Variants in FOXP2 observed in about 807,000 individuals in gnomAD.
The protein encoded by FOXP2 is forkhead box protein P2.
In FOXP2, 12 loss-of-function variants were observed where a neutral mutation model predicts 115.8. That is an observed-to-expected ratio of 0.10 (90% CI 0.07 to 0.17). The LOEUF (loss-of-function observed/expected upper bound fraction) is 0.17, where lower values mean the gene tolerates loss of function less well. Among genes scored for constraint, FOXP2 ranks in the 10% least tolerant of loss-of-function variants. The pLI is 1.00. For synonymous variants in FOXP2, 328 were observed against 297.7 expected, an observed-to-expected ratio of 1.10 and a Z score of -1.05; for missense variants, 629 against 843.5, an observed-to-expected ratio of 0.75 and a Z score of 3.15.
At position 114,633,698 on chromosome 7, in the gene FOXP2, T is replaced by C. The variant is rs147933521; in HGVS notation, c.775+1993T>C. 1.5e-3 allele frequency among the ~76,000 whole-genome samples: 232 copies of C among 152,304 alleles called. 2 individuals are homozygous for C. Among genetic ancestry groups the C allele is most frequent in the African/African-American group, 5.2e-3 (217 of 41,570 alleles). On this transcript the variant is annotated intron_variant, in intron 6 of 16. Transcript: ENST00000350908. ...GAAAAATATCATTGTGGAGGCTCAT[T>C]GTGTGTTGAATACACCAGCTACAGT...
At chr7:114,318,710 C>CATATATATATATATATATATATATAT (rs144291161) in intron 2 of FOXP2, among the ~76,000 whole-genome samples, 12 of 147,370 alleles carry the variant, frequency 8.1e-5, no homozygotes, top group African/African-American at 3.0e-4. Context: ...TTAGATAATT[C>CATATATATATATATATATATATATAT]ATATATATAT....
At chr7:114,194,025 C>A (rs1793832066) in intron 1 of FOXP2, among the ~76,000 whole-genome samples, 1 of 70,156 alleles carries the variant, frequency 1.4e-5, no homozygotes, top group Non-Finnish European at 5.9e-5. Flanking sequence ...CTTGCTGTAA[C>A]CCTGTGCTTT....
intron 2 of FOXP2, among the ~76,000 whole-genome samples, chr7:114,316,345 C>A (rs538872009): frequency 6.6e-6 from 1 of 152,142 alleles, no homozygotes; most frequent in Non-Finnish European, 1.5e-5. Flanking sequence ...ATAATGTTCT[C>A]GACCAGTTCA....
chr7:114,586,038 ACTGT>A (rs1802114270), intron 3 of FOXP2, among the ~76,000 whole-genome samples: 1 of 151,976 alleles, frequency 6.6e-6, no homozygotes, highest in South Asian at 2.1e-4. Flanking sequence ...TGTAGACAAA[ACTGT>A]CTGCACAAAC....
chr7:114,417,878 G>GTAAGTGTAAGAA, intron 1 of FOXP2, among the ~76,000 whole-genome samples: 1 of 152,068 alleles, frequency 6.6e-6, no homozygotes, highest in South Asian at 2.1e-4. Context: ...ACTTGGAAAT[G>GTAAGTGTAAGAA]ATACTATGAA....
chr7:114,352,511 A>G (rs1189347550), intron 2 of FOXP2, among the ~76,000 whole-genome samples: 14 of 152,178 alleles, frequency 9.2e-5, no homozygotes, highest in Admixed American at 9.2e-4. Context: ...GCTCTTACAG[A>G]ACTCCTAGAA....
At chr7:114,663,625 GT>G in intron 15 of FOXP2, 106 bp downstream of exon 15, 1 of 884,794 alleles carries the variant, frequency 1.1e-6, no homozygotes, top group Non-Finnish European at 1.8e-6. Context: ...TTAATAGTTG[GT>G]TTATCATCCA....
intron 2 of FOXP2, among the ~76,000 whole-genome samples, chr7:114,380,755 G>T (rs964601703): frequency 2.0e-5 from 3 of 152,188 alleles, no homozygotes; most frequent in Non-Finnish European, 2.9e-5. Context: ...CACACAGTAA[G>T]ATCTCTTCCC....
At chr7:114,179,924 T>G (rs1176196687) in intron 1 of FOXP2, among the ~76,000 whole-genome samples, 1 of 151,972 alleles carries the variant, frequency 6.6e-6, no homozygotes, top group South Asian at 2.1e-4. Context: ...AACTCCTGTG[T>G]ATTTTCTTCT....
At chr7:114,616,024 A>G (rs1431096463) in intron 3 of FOXP2, among the ~76,000 whole-genome samples, 1 of 152,082 alleles carries the variant, frequency 6.6e-6, no homozygotes, top group Non-Finnish European at 1.5e-5. Context: ...TTTCTTCTCC[A>G]GTTTATTGAA....
intron 1 of FOXP2, among the ~76,000 whole-genome samples, chr7:114,278,025 T>TAAAAA (rs1198719493): frequency 2.6e-5 from 2 of 76,204 alleles, no homozygotes; most frequent in Non-Finnish European, 4.8e-5. Flanking sequence ...AGACCTTGTC[T>TAAAAA]AAAAAAAAAA....
intron 3 of FOXP2, chr7:114,613,776 A>G (rs1803769439): frequency 6.6e-6 from 1 of 151,486 alleles, no homozygotes; most frequent in African/African-American, 2.4e-5. Flanking sequence ...TTTTTTTTAA[A>G]ATGTTTTTAA....
chr7:114,213,172 CTTA>C (rs1225495792), intron 1 of FOXP2, among the ~76,000 whole-genome samples: 1 of 152,108 alleles, frequency 6.6e-6, no homozygotes, highest in Non-Finnish European at 1.5e-5. Flanking sequence ...TTCAGAACTG[CTTA>C]TTAACTCATC....
At chr7:114,525,218 T>G (rs1169440500) in intron 2 of FOXP2, among the ~76,000 whole-genome samples, 1 of 152,212 alleles carries the variant, frequency 6.6e-6, no homozygotes, top group African/African-American at 2.4e-5. Context: ...CCAAGCATCA[T>G]ATACCTAGAA....
At chr7:114,574,462 C>T (rs903797395) in intron 3 of FOXP2, among the ~76,000 whole-genome samples, 2 of 151,694 alleles carry the variant, frequency 1.3e-5, no homozygotes, top group South Asian at 2.1e-4. Flanking sequence ...TTTCAAACTT[C>T]GGTACTAGGA....
rs549400410 is a variant in FOXP2, at chr7:114,691,124, A to G, written c.*1198A>G. ...TGTACTTGATGCAAATGCAGATTGC[A>G]TATTGTTATATATATAGTACTTTGT... On this transcript the variant is annotated 3_prime_UTR_variant, in exon 17 of 17. Transcript: ENST00000350908. 1.8e-4 allele frequency: 80 copies of G among 454,096 alleles called. No individual in the cohort carries two copies. Among genetic ancestry groups the G allele is most frequent in the African/African-American group, 1.5e-3 (75 of 50,132 alleles). The allele number at this position is 454,096 out of a possible 1,614,324, so 28.1% of individuals were successfully genotyped here. A position where few individuals can be genotyped will look rare whatever the true frequency, so the allele number is the denominator to read the frequency against.
rs565784489 is a variant in FOXP2 at position 114,175,382 on chromosome 7, A to G, written c.-102+12294A>G. Among the ~76,000 whole-genome samples, 58 of 152,268 alleles carry G rather than the reference A, an allele frequency of 3.8e-4. 3 individuals carry two copies. In the South Asian group the frequency reaches 0.012, roughly 32 times the overall value. On this transcript the variant is annotated intron_variant, in intron 1 of 17. Transcript: ENST00000634411. The stretch of plus-strand genomic sequence containing the variant: ...TGGAGTTGACAACTCGACTCATACC[A>G]TGATTATTACTCATTTTTGTTATAG...
chr7:114,530,839 T>C (rs1204215683), intron 2 of FOXP2, among the ~76,000 whole-genome samples: 1 of 151,838 alleles, frequency 6.6e-6, no homozygotes, highest in Non-Finnish European at 1.5e-5. Flanking sequence ...GGAATGATGT[T>C]TTCAGTAAGT....
intron 3 of FOXP2, among the ~76,000 whole-genome samples, chr7:114,616,523 G>C (rs1803961495): frequency 6.6e-6 from 1 of 152,038 alleles, no homozygotes; most frequent in Non-Finnish European, 1.5e-5. Context: ...AAGGGACGGA[G>C]GTTGGTTTTA....
Sources: gnomAD v4.1 joint callset for allele counts (sites outside exome capture counted in the v4.1 genomes callset) on GRCh38, gnomAD v4.1.1 for gene constraint, MANE v1.5 for transcripts, NCBI Gene and HGNC (gene_info 2026-07-23, HGNC 2026-07-21) for gene names.